The following GRIK3 variants were observed in gnomAD, a reference collection of about 807,000 sequenced individuals.
GRIK3 encodes glutamate receptor ionotropic, kainate 3.
Under a neutral mutation model 102.5 loss-of-function variants are expected in GRIK3, and 29 were observed. The observed-to-expected ratio is 0.28, with a 90% confidence interval of 0.21 to 0.39. The LOEUF (loss-of-function observed/expected upper bound fraction) is 0.39. Ranked by LOEUF, GRIK3 falls within the 10% of genes least tolerant of loss-of-function variation. The probability of loss-of-function intolerance (pLI) is 1.00; values close to 1 mark genes in which losing one functional copy is unlikely to be tolerated. For synonymous variants in GRIK3, 511 were observed against 504.9 expected (o/e 1.01, Z -0.16); for missense variants, 908 against 1,252.4 (o/e 0.73, Z 4.15).
At chr1:36,956,716 A>G (rs750629122) in intron 1 of GRIK3, among the ~76,000 whole-genome samples, 5 of 152,242 alleles carry the variant, frequency 3.3e-5, no homozygotes, top group Non-Finnish European at 5.9e-5. Flanking sequence ...GAAATGAGAC[A>G]AAGGCAGTGG....
At chr1:36,813,888 T>C (rs887631946) in intron 13 of GRIK3, among the ~76,000 whole-genome samples, 2 of 152,106 alleles carry the variant, frequency 1.3e-5, no homozygotes, top group Non-Finnish European at 2.9e-5. Context: ...AAGGAGAGCT[T>C]CACTTGAATT....
chr1:36,977,903 G>C (rs1642211409), intron 1 of GRIK3, among the ~76,000 whole-genome samples: 1 of 152,232 alleles, frequency 6.6e-6, no homozygotes, highest in Admixed American at 6.5e-5. Flanking sequence ...AGCCAACTCT[G>C]GGGGCAGGCC....
At chr1:37,014,308 G>T (rs904420119) in intron 1 of GRIK3, among the ~76,000 whole-genome samples, 1 of 152,188 alleles carries the variant, frequency 6.6e-6, no homozygotes, top group Non-Finnish European at 1.5e-5. Context: ...CACATAGTAG[G>T]TGCTCAACCA....
chr1:36,953,602 T>C (rs1411343015), intron 1 of GRIK3, among the ~76,000 whole-genome samples: 3 of 151,702 alleles, frequency 2.0e-5, no homozygotes, highest in Non-Finnish European at 4.4e-5. Flanking sequence ...TGGGTATGCT[T>C]AGGTGGTGAA....
intron 1 of GRIK3, among the ~76,000 whole-genome samples, chr1:36,962,347 C>A (rs1323092427): frequency 3.3e-5 from 5 of 152,108 alleles, no homozygotes; most frequent in Admixed American, 6.5e-5. Flanking sequence ...CAGAAACAAG[C>A]CACAGATGGA....
At chr1:36,912,472 A>C (rs1482279218) in intron 1 of GRIK3, among the ~76,000 whole-genome samples, 2 of 148,298 alleles carry the variant, frequency 1.3e-5, no homozygotes, top group Admixed American at 1.3e-4. Flanking sequence ...CTGCCTGCAC[A>C]CCCTTGCTTG....
At chr1:36,952,985 C>G (rs1641862991) in intron 1 of GRIK3, among the ~76,000 whole-genome samples, 2 of 152,202 alleles carry the variant, frequency 1.3e-5, no homozygotes, top group Non-Finnish European at 2.9e-5. Context: ...ATCAGGGTGT[C>G]CATGCTGTGT....
chr1:36,836,569 G>A (rs1640381830), intron 10 of GRIK3, among the ~76,000 whole-genome samples: 2 of 152,228 alleles, frequency 1.3e-5, no homozygotes, highest in African/African-American at 2.4e-5. Flanking sequence ...GGATGTGTGG[G>A]TGGTGCAACT....
In GRIK3 at chr1:36,972,500, C is replaced by T. The variant is rs115823968; in HGVS notation, c.115+61494G>A. 5.9e-3 allele frequency among the ~76,000 whole-genome samples: 900 copies of T among 152,204 alleles called. 10 individuals are homozygous for T. Among genetic ancestry groups the T allele is most frequent in the African/African-American group, 0.02 (851 of 41,538 alleles). ...GGGGTAGGAGCAGGGTCTTGAGAAA[C>T]GGGAGGTGGGTTCTATCCTAACAAG... On this transcript the variant is annotated intron_variant, in intron 1 of 15. Transcript: ENST00000373091.
At chr1:36,826,062 G>A (rs922071237) in intron 10 of GRIK3, among the ~76,000 whole-genome samples, 5 of 152,226 alleles carry the variant, frequency 3.3e-5, no homozygotes, top group African/African-American at 1.2e-4. Flanking sequence ...TGGTCTTGAA[G>A]AAGAGGGTGG....
intron 1 of GRIK3, among the ~76,000 whole-genome samples, chr1:36,992,627 T>A (rs1440018582): frequency 6.6e-6 from 1 of 152,106 alleles, no homozygotes; most frequent in Admixed American, 6.5e-5. Flanking sequence ...TTGATGGATG[T>A]AAACAGTGAG....
At chr1:36,888,955 G>A (rs908311847) in intron 2 of GRIK3, among the ~76,000 whole-genome samples, 2 of 152,066 alleles carry the variant, frequency 1.3e-5, no homozygotes, top group Non-Finnish European at 2.9e-5. Context: ...AACAATGTTC[G>A]TTAAGTGGGT....
chr1:37,006,327 G>A (rs762940578), intron 1 of GRIK3, among the ~76,000 whole-genome samples: 19 of 152,222 alleles, frequency 1.2e-4, no homozygotes, highest in Admixed American at 1.3e-4. Context: ...AACGCAACGA[G>A]GGAGGAATTC....
chr1:37,004,425 C>G (rs184185600), intron 1 of GRIK3, among the ~76,000 whole-genome samples: 52 of 152,272 alleles, frequency 3.4e-4, no homozygotes, highest in Non-Finnish European at 5.9e-4. Context: ...CCCAGAAGAA[C>G]CAGGGAGAAA....
intron 13 of GRIK3, among the ~76,000 whole-genome samples, chr1:36,809,362 T>A (rs1408603141): frequency 6.6e-6 from 1 of 152,048 alleles, no homozygotes; most frequent in Non-Finnish European, 1.5e-5. Context: ...TATCCAACCA[T>A]CTATCTATCC....
At chr1:36,871,786 G>A (rs1165793649) in intron 4 of GRIK3, among the ~76,000 whole-genome samples, 1 of 152,214 alleles carries the variant, frequency 6.6e-6, no homozygotes, top group African/African-American at 2.4e-5. Context: ...AAGAGGCGGT[G>A]AGGCATTCTG....
Position 36,810,041 on chromosome 1 carries a change from C to A in GRIK3, c.2092-3715G>T, listed in dbSNP as rs528925142. Among the ~76,000 whole-genome samples, 6 of 152,308 alleles carry A rather than the reference C, an allele frequency of 3.9e-5. No individual in the cohort carries two copies. The South Asian group carries it at 1.2e-3, about 32-fold the overall frequency. On this transcript the variant is annotated intron_variant, in intron 13 of 15. Coordinates refer to ENST00000373091, the MANE Select transcript of GRIK3 (RefSeq NM_000831.4). ...TGTCTTGGGGCCCCCCTTCTCAACC[C>A]CATCTCCTCATGGTCTCTGCTTCCC...
intron 1 of GRIK3, among the ~76,000 whole-genome samples, chr1:36,961,020 A>G (rs1215790987): frequency 1.3e-5 from 2 of 152,252 alleles, no homozygotes; most frequent in Non-Finnish European, 2.9e-5. Context: ...CTAAAGCCAC[A>G]TACATGGAGA....
At chr1:37,009,523 A>AT (rs1642566951) in intron 1 of GRIK3, among the ~76,000 whole-genome samples, 1 of 151,906 alleles carries the variant, frequency 6.6e-6, no homozygotes, top group Admixed American at 6.6e-5. Context: ...ATACTTCTTC[A>AT]TTTTCTCCCT....
Sources: allele counts gnomAD v4.1 joint callset (sites outside exome capture counted in the v4.1 genomes callset), GRCh38; gene constraint gnomAD v4.1.1; transcripts MANE v1.5; gene names NCBI Gene and HGNC (gene_info 2026-07-23, HGNC 2026-07-21).